The following KCND2 variants were observed in gnomAD, a reference collection of about 807,000 sequenced individuals.
The protein encoded by KCND2 is A-type voltage-gated potassium channel KCND2.
Under a neutral mutation model 54.4 loss-of-function variants are expected in KCND2, and 16 were observed. That is an observed-to-expected ratio of 0.29 (90% CI 0.20 to 0.45). KCND2 has a LOEUF of 0.45. KCND2 is among the 20% of genes least tolerant of loss of function. The probability of loss-of-function intolerance (pLI) is 1.00; values close to 1 mark genes in which losing one functional copy is unlikely to be tolerated. For missense variants in KCND2, 486 were observed against 824.2 expected, an observed-to-expected ratio of 0.59 and a Z score of 5.02; for synonymous variants, 317 against 310.7, an observed-to-expected ratio of 1.02 and a Z score of -0.21.
chr7:120,471,999 T>A (rs918931201), intron 1 of KCND2, among the ~76,000 whole-genome samples: 4 of 151,860 alleles, frequency 2.6e-5, no homozygotes, highest in African/African-American at 9.7e-5. Context: ...TCACTTTAAC[T>A]CTTACTGTTA....
At chr7:120,557,910 T>G (rs565255057) in intron 1 of KCND2, among the ~76,000 whole-genome samples, 3 of 152,236 alleles carry the variant, frequency 2.0e-5, no homozygotes, top group South Asian at 2.1e-4. Flanking sequence ...AGAATAATTC[T>G]TACATAGTGG....
intron 1 of KCND2, among the ~76,000 whole-genome samples, chr7:120,363,907 G>A (rs930550078): frequency 6.6e-6 from 1 of 151,858 alleles, no homozygotes; most frequent in African/African-American, 2.4e-5. Flanking sequence ...CTTATTCCTG[G>A]AACACAGGAG....
At chr7:120,433,711 C>G (rs911114218) in intron 1 of KCND2, among the ~76,000 whole-genome samples, 1 of 152,114 alleles carries the variant, frequency 6.6e-6, no homozygotes, top group Non-Finnish European at 1.5e-5. Flanking sequence ...AATAATGATA[C>G]TTTGTAGCCA....
At chr7:120,362,514 A>T (rs958224543) in intron 1 of KCND2, among the ~76,000 whole-genome samples, 1 of 152,102 alleles carries the variant, frequency 6.6e-6, no homozygotes, top group Admixed American at 6.6e-5. Flanking sequence ...CCAAGTAAAA[A>T]TATGTAAATA....
At chr7:120,644,309 C>T (rs1483984703) in intron 1 of KCND2, among the ~76,000 whole-genome samples, 4 of 152,124 alleles carry the variant, frequency 2.6e-5, no homozygotes, top group Non-Finnish European at 5.9e-5. Flanking sequence ...TACTAGAACT[C>T]AGCTCCATTT....
intron 1 of KCND2, among the ~76,000 whole-genome samples, chr7:120,310,638 C>T (rs1008574795): frequency 1.3e-5 from 2 of 152,022 alleles, no homozygotes; most frequent in Non-Finnish European, 2.9e-5. Flanking sequence ...GCTATATAGA[C>T]TGGTCGTGGT....
chr7:120,703,524 T>G (rs1396448161), intron 1 of KCND2, among the ~76,000 whole-genome samples: 1 of 152,228 alleles, frequency 6.6e-6, no homozygotes, highest in East Asian at 1.9e-4. Context: ...CCAGTTTCCC[T>G]TTTTTGAAAA....
At chr7:120,609,335 A>T (rs1792921981) in intron 1 of KCND2, among the ~76,000 whole-genome samples, 1 of 152,126 alleles carries the variant, frequency 6.6e-6, no homozygotes, top group Admixed American at 6.6e-5. Context: ...ATGGGGTTGC[A>T]CAGCACTCTG....
chr7:120,387,208 G>A (rs1321062332), intron 1 of KCND2, among the ~76,000 whole-genome samples: 2 of 152,010 alleles, frequency 1.3e-5, no homozygotes, highest in East Asian at 3.9e-4. Flanking sequence ...TTGAATAACT[G>A]AGTGACACAG....
At chr7:120,500,215 G>C (rs1802912001) in intron 1 of KCND2, among the ~76,000 whole-genome samples, 1 of 152,078 alleles carries the variant, frequency 6.6e-6, no homozygotes, top group Non-Finnish European at 1.5e-5. Context: ...TAAGAGCATA[G>C]TCCAGAAGTG....
At chr7:120,332,998 A>C (rs1157256323) in intron 1 of KCND2, among the ~76,000 whole-genome samples, 1 of 152,138 alleles carries the variant, frequency 6.6e-6, no homozygotes, top group African/African-American at 2.4e-5. Context: ...CCATCTGCCC[A>C]TCCAGAGCTG....
At chr7:120,666,861 C>T (rs1310371316) in intron 1 of KCND2, among the ~76,000 whole-genome samples, 1 of 151,928 alleles carries the variant, frequency 6.6e-6, no homozygotes, top group African/African-American at 2.4e-5. Context: ...AAAATACAAA[C>T]CTCTATAGTT....
chr7:120,725,739 C>T (rs532557299), intron 1 of KCND2, among the ~76,000 whole-genome samples: 75 of 152,236 alleles, frequency 4.9e-4, no homozygotes, highest in African/African-American at 1.7e-3. Flanking sequence ...TATTTAACAT[C>T]GATACTCCCT....
chr7:120,653,330 G>A (rs921905319), intron 1 of KCND2, among the ~76,000 whole-genome samples: 1 of 151,846 alleles, frequency 6.6e-6, no homozygotes, highest in African/African-American at 2.4e-5. Context: ...ATAGATGCAG[G>A]CCACCACATC....
At chr7:120,425,803 G>A (rs1442992617) in intron 1 of KCND2, among the ~76,000 whole-genome samples, 3 of 152,184 alleles carry the variant, frequency 2.0e-5, no homozygotes, top group Non-Finnish European at 4.4e-5. Flanking sequence ...CCTGGCTTGC[G>A]GGGAATAAGC....
intron 1 of KCND2, among the ~76,000 whole-genome samples, chr7:120,641,728 C>G (rs1416516940): frequency 2.7e-5 from 4 of 145,832 alleles, no homozygotes; most frequent in African/African-American, 1.0e-4. Context: ...AAGTAAGAAA[C>G]TTATTAAAAC....
At chr7:120,489,483 T>C (rs1262634935) in intron 1 of KCND2, among the ~76,000 whole-genome samples, 3 of 152,178 alleles carry the variant, frequency 2.0e-5, no homozygotes, top group Admixed American at 6.6e-5. Flanking sequence ...GTCATCATAA[T>C]ATGCTCTAAA....
At chr7:120,659,753 T>C (rs1467036274) in intron 1 of KCND2, among the ~76,000 whole-genome samples, 3 of 152,180 alleles carry the variant, frequency 2.0e-5, no homozygotes, top group Admixed American at 6.5e-5. Flanking sequence ...AATCTTCACA[T>C]ACTGAAGTCC....
rs184782832 is a variant in KCND2, at chr7:120,609,313, A to G, written c.1116-123590A>G. 6.6e-4 allele frequency among the ~76,000 whole-genome samples: 101 copies of G among 152,228 alleles called. 1 individual carries two copies. The Middle Eastern group carries it at 0.017, about 26-fold the overall frequency. On this transcript the variant is annotated intron_variant, in intron 1 of 5. Transcript: ENST00000331113. ...TTAGCCAACATTTTTCACTCCACTG[A>G]TGAGAGGCGGGATGGGGTTGCACAG...
Sources: allele counts gnomAD v4.1 joint callset (sites outside exome capture counted in the v4.1 genomes callset), GRCh38; gene constraint gnomAD v4.1.1; transcripts MANE v1.5; gene names NCBI Gene and HGNC (gene_info 2026-07-23, HGNC 2026-07-21).